Variants in TMEM132C observed in about 807,000 individuals in gnomAD.
TMEM132C encodes protein phosphatase 1, regulatory subunit 152.
In TMEM132C, 29 loss-of-function variants were observed where a neutral mutation model predicts 61.4. The observed-to-expected ratio is 0.47, with a 90% CI of 0.35 to 0.64. The LOEUF is 0.64. TMEM132C is among the 30% of genes least tolerant of loss of function. The pLI, the probability that TMEM132C is intolerant of heterozygous loss-of-function variation, is 0.00. For synonymous variants in TMEM132C, 656 were observed against 633.1 expected (o/e 1.04, Z -0.54); for missense variants, 1,408 against 1,476.9 (o/e 0.95, Z 0.76).
At chr12:128,442,418 G>A (rs762269931) in intron 2 of TMEM132C, among the ~76,000 whole-genome samples, 2 of 152,236 alleles carry the variant, frequency 1.3e-5, no homozygotes, top group Non-Finnish European at 2.9e-5. Flanking sequence ...TCTGGAGAGA[G>A]AGAGTGAAAT....
At chr12:128,564,346 G>A (rs979482325) in intron 3 of TMEM132C, among the ~76,000 whole-genome samples, 4 of 152,244 alleles carry the variant, frequency 2.6e-5, no homozygotes, top group Admixed American at 6.5e-5. Flanking sequence ...TATTTCTCAC[G>A]GCTTTGCAGT....
At chr12:128,494,182 G>T (rs1418507452) in intron 2 of TMEM132C, among the ~76,000 whole-genome samples, 1 of 152,206 alleles carries the variant, frequency 6.6e-6, no homozygotes, top group Admixed American at 6.5e-5. Context: ...AACCAGCCAT[G>T]CATCCCAGGG....
intron 1 of TMEM132C, among the ~76,000 whole-genome samples, chr12:128,343,964 T>C (rs564457011): frequency 1.2e-4 from 19 of 152,374 alleles, no homozygotes; most frequent in Non-Finnish European, 8.8e-5. Context: ...CATTGTGTCA[T>C]TGCATGTATG....
chr12:128,356,832 A>G (rs1028951464), intron 1 of TMEM132C, among the ~76,000 whole-genome samples: 6 of 152,250 alleles, frequency 3.9e-5, no homozygotes, highest in Admixed American at 3.9e-4. Flanking sequence ...TTATGGGGGC[A>G]GGACTTTCTT....
intron 1 of TMEM132C, among the ~76,000 whole-genome samples, chr12:128,383,046 A>G (rs1195170955): frequency 6.6e-6 from 1 of 151,802 alleles, no homozygotes; most frequent in African/African-American, 2.4e-5. Context: ...GTGTGTGTGC[A>G]CGTGAGCATC....
chr12:128,548,223 G>A (rs189101392), intron 3 of TMEM132C, among the ~76,000 whole-genome samples: 152 of 152,322 alleles, frequency 1.0e-3, no homozygotes, highest in South Asian at 2.5e-3. Flanking sequence ...AATATATGGT[G>A]TGTGAGAGAC....
At position 128,706,087 on chromosome 12, in the gene TMEM132C, A is replaced by G. The variant is rs1405113223; in HGVS notation, c.3119A>G (p.Lys1040Arg). Residue 1040 changes from lysine (K) to arginine (R), a missense_variant, in exon 9 of 9, where the codon AAG becomes AGG. By Grantham distance (26) the Lys-to-Arg change is conservative. Coordinates refer to ENST00000435159, the MANE Select transcript of TMEM132C (RefSeq NM_001136103.3). ...GGGGGGCGGCAGGGCAGAGAACAGA[A>G]GCAGGACCCCCTGCACTCGCCCACC... ...DSGGRQGREQ[K>R]QDPLHSPTSK... 1 of 1,551,642 alleles carries G rather than the reference A, an allele frequency of 6.4e-7. No homozygotes were observed. Among genetic ancestry groups the G allele is most frequent in the Non-Finnish European group, 8.7e-7 (1 of 1,146,916 alleles).
At chr12:128,614,510 C>A (rs1194525286) in intron 3 of TMEM132C, among the ~76,000 whole-genome samples, 1 of 152,136 alleles carries the variant, frequency 6.6e-6, no homozygotes, top group Non-Finnish European at 1.5e-5. Flanking sequence ...TGACCACCAG[C>A]TGTCTTAGGC....
At chr12:128,580,082 G>A (rs1017264955) in intron 3 of TMEM132C, among the ~76,000 whole-genome samples, 1 of 152,148 alleles carries the variant, frequency 6.6e-6, no homozygotes, top group Admixed American at 6.5e-5. Context: ...GGGGGACCTG[G>A]GTCAGACAAC....
intron 2 of TMEM132C, among the ~76,000 whole-genome samples, chr12:128,432,840 G>A (rs1431332055): frequency 2.0e-5 from 3 of 152,032 alleles, no homozygotes; most frequent in East Asian, 1.9e-4. Flanking sequence ...ACAGCATCGC[G>A]TACTACAGAG....
intron 2 of TMEM132C, among the ~76,000 whole-genome samples, chr12:128,494,485 T>C (rs1376084312): frequency 6.6e-6 from 1 of 152,244 alleles, no homozygotes; most frequent in Admixed American, 6.5e-5. Context: ...CCTGGACTTC[T>C]TTTGGTTGGT....
intron 5 of TMEM132C, among the ~76,000 whole-genome samples, chr12:128,690,480 C>A (rs530240730): frequency 6.6e-6 from 1 of 152,278 alleles, no homozygotes; most frequent in Admixed American, 6.5e-5. Context: ...CTACTTCATA[C>A]CCTTGGCATT....
intron 1 of TMEM132C, among the ~76,000 whole-genome samples, chr12:128,299,248 T>C (rs1871519578): frequency 6.6e-6 from 1 of 152,174 alleles, no homozygotes; most frequent in Non-Finnish European, 1.5e-5. Flanking sequence ...GGAGCCCTAA[T>C]TGTTAGGCAG....
intron 2 of TMEM132C, among the ~76,000 whole-genome samples, chr12:128,506,016 G>A (rs930286555): frequency 6.6e-6 from 1 of 152,206 alleles, no homozygotes; most frequent in Non-Finnish European, 1.5e-5. Context: ...CATAAATATG[G>A]AGCATTTTGG....
At chr12:128,368,076 T>C (rs561668713) in intron 1 of TMEM132C, among the ~76,000 whole-genome samples, 1 of 152,324 alleles carries the variant, frequency 6.6e-6, no homozygotes, top group Admixed American at 6.5e-5. Flanking sequence ...CTGATGCTTC[T>C]GCGCAGACCA....
chr12:128,407,412 G>A (rs1223984829), intron 1 of TMEM132C, among the ~76,000 whole-genome samples: 2 of 152,068 alleles, frequency 1.3e-5, no homozygotes, highest in Admixed American at 6.5e-5. Context: ...CTAATCATAC[G>A]GTCAATTCTT....
At chr12:128,424,980 C>T (rs1356897041) in intron 2 of TMEM132C, among the ~76,000 whole-genome samples, 1 of 152,134 alleles carries the variant, frequency 6.6e-6, no homozygotes, top group African/African-American at 2.4e-5. Context: ...GTGAGAATGG[C>T]CAAAACAAGG....
chr12:128,313,740 G>C (rs1283935309), intron 1 of TMEM132C, among the ~76,000 whole-genome samples: 2 of 152,206 alleles, frequency 1.3e-5, no homozygotes, highest in Non-Finnish European at 2.9e-5. Context: ...GGACGAGAGA[G>C]AGCTGGCACT....
chr12:128,397,429 T>G (rs939875485), intron 1 of TMEM132C, among the ~76,000 whole-genome samples: 1 of 152,176 alleles, frequency 6.6e-6, no homozygotes, highest in Admixed American at 6.5e-5. Flanking sequence ...GTCAGGGGCC[T>G]TCAGCACCCA....
Sources: allele counts gnomAD v4.1 joint callset (sites outside exome capture counted in the v4.1 genomes callset), GRCh38; gene constraint gnomAD v4.1.1; transcripts MANE v1.5; gene names NCBI Gene and HGNC (gene_info 2026-07-23, HGNC 2026-07-21).